The following NCOA1 variants were observed in gnomAD, a reference collection of about 807,000 sequenced individuals.
NCOA1 encodes the protein nuclear receptor coactivator 1.
Under a neutral mutation model 150.9 loss-of-function variants are expected in NCOA1, and 35 were observed. The observed-to-expected ratio is 0.23, with a 90% CI of 0.18 to 0.31. The LOEUF (loss-of-function observed/expected upper bound fraction) is 0.31. Ranked by LOEUF, NCOA1 falls within the 10% of genes least tolerant of loss-of-function variation. NCOA1 has a pLI of 1.00. For missense variants in NCOA1, 1,491 were observed against 1,749.3 expected (o/e 0.85, Z 2.63); for synonymous variants, 590 against 630.0 (o/e 0.94, Z 0.95).
In NCOA1 at chr2:24,765,092, G is replaced by A. The variant is rs192277377; in HGVS notation, c.4155+2316G>A. ...TTCAGGAAGTTGAGACAGGAGAATC[G>A]CTTGAACCCAGGAGGTGGAGGTTGC... On this transcript the variant is annotated intron_variant, in intron 22 of 22. Transcript: ENST00000348332. Among the ~76,000 whole-genome samples, 134 of 151,246 alleles carry A rather than the reference G, an allele frequency of 8.9e-4. 1 individual carries two copies. Among genetic ancestry groups the A allele is most frequent in the African/African-American group, 2.1e-3 (86 of 41,118 alleles).
chr2:24,737,043 C>T lies in NCOA1; in HGVS notation c.3202-2389C>T, dbSNP rs1404274487. On this transcript the variant is annotated intron_variant, in intron 17 of 22. Coordinates refer to ENST00000348332, the MANE Select transcript of NCOA1 (RefSeq NM_003743.5). Reference sequence around the variant, plus strand: ...TTGCCCTCTTCCGCTGGCCACAAGCCCCACATTTCCTTTTCTTCTACAACA... The same window carrying T: ...TTGCCCTCTTCCGCTGGCCACAAGCTCCACATTTCCTTTTCTTCTACAACA... Among the ~76,000 whole-genome samples the T allele has an allele frequency of 2.6e-5, 4 of 152,212 alleles. 1 individual carries two copies. The highest frequency in any genetic ancestry group is 3.9e-4 in the East Asian group (2 of 5,180).
rs1558758490 is a variant in NCOA1 at position 24,516,955 on chromosome 2, A to ATATATAC, written c.-396+25353_-396+25354insTATATAC. Among the ~76,000 whole-genome samples the ATATATAC allele has an allele frequency of 7.1e-5, 5 of 70,078 alleles. No homozygotes were observed. In the Admixed American group the frequency reaches 9.8e-4, roughly 14 times the overall value. The allele number at this position is 70,078 out of a possible 152,430, so 46.0% of individuals were successfully genotyped here. ...GTGTATATATATACGTATATATACAAGTATATATACGTATATATACACATA... is the reference window on the plus strand; with the variant it reads ...GTGTATATATATACGTATATATACAATATATACGTATATATACGTATATATACACATA... On this transcript the variant is annotated intron_variant, in intron 1 of 22. Coordinates refer to ENST00000348332, the MANE Select transcript of NCOA1 (RefSeq NM_003743.5).
chr2:24,534,724 A>C (rs919844071), intron 1 of NCOA1, among the ~76,000 whole-genome samples: 4 of 152,264 alleles, frequency 2.6e-5, no homozygotes, highest in Middle Eastern at 3.4e-3. Flanking sequence ...GTCATTCAGG[A>C]GCAGTTTTTT....
At chr2:24,637,076 TC>T (rs1467765875) in intron 3 of NCOA1, among the ~76,000 whole-genome samples, 1 of 151,630 alleles carries the variant, frequency 6.6e-6, no homozygotes, top group Non-Finnish European at 1.5e-5. Flanking sequence ...TTTTTTAAAA[TC>T]TTTTTTTTAT....
Position 24,674,351 on chromosome 2 carries a change from G to A in NCOA1, c.354+888G>A, listed in dbSNP as rs374417230. Reference sequence around the variant, plus strand: ...CTCCTGAGTAGCTGGGACTACAGGCGCCTGCTACCACGCCTGGCTAATTTT... The same window carrying A: ...CTCCTGAGTAGCTGGGACTACAGGCACCTGCTACCACGCCTGGCTAATTTT... On this transcript the variant is annotated intron_variant, in intron 7 of 22. Coordinates refer to ENST00000348332, the MANE Select transcript of NCOA1 (RefSeq NM_003743.5). Among the ~76,000 whole-genome samples, 284 of 151,922 alleles carry A rather than the reference G, an allele frequency of 1.9e-3. 1 individual carries two copies. The highest frequency in any genetic ancestry group is 1.5e-3 in the Non-Finnish European group (105 of 67,914).
chr2:24,770,628 G>A lies in NCOA1; in HGVS notation c.*2237G>A, dbSNP rs1305311417. ...TTCATTTACAGGGAAGAAATGAAAT[G>A]TACATCTGCAGAAATTGCCAAAGCC... On this transcript the variant is annotated 3_prime_UTR_variant, in exon 23 of 23. Coordinates refer to ENST00000348332, the MANE Select transcript of NCOA1 (RefSeq NM_003743.5). 4.9e-6 allele frequency: 1 copy of A among 203,378 alleles called. No homozygotes were observed. The highest frequency in any genetic ancestry group is 1.0e-5 in the Non-Finnish European group (1 of 99,048). 12.6% of individuals were successfully genotyped at this position (203,378 alleles called of 1,614,324 possible). A position where few individuals can be genotyped will look rare whatever the true frequency, so the allele number is the denominator to read the frequency against.
intron 1 of NCOA1, among the ~76,000 whole-genome samples, chr2:24,544,669 G>A (rs886339506): frequency 2.6e-5 from 4 of 152,190 alleles, no homozygotes; most frequent in South Asian, 4.1e-4. Context: ...AGCTCAGGAA[G>A]TTGAGGCCAC....
intron 3 of NCOA1, among the ~76,000 whole-genome samples, chr2:24,610,134 T>TC: frequency 7.1e-6 from 1 of 140,954 alleles, no homozygotes; most frequent in East Asian, 2.0e-4. Flanking sequence ...CTTTTTTTTT[T>TC]TTTTTTTTTT....
At chr2:24,598,213 C>T (rs56317452) in intron 3 of NCOA1, among the ~76,000 whole-genome samples, 1 of 151,930 alleles carries the variant, frequency 6.6e-6, no homozygotes, top group African/African-American at 2.4e-5. Flanking sequence ...GGGTACAATG[C>T]CTTAGTTAAA....
chr2:24,569,302 A>C (rs908685106), intron 2 of NCOA1, among the ~76,000 whole-genome samples: 1 of 152,156 alleles, frequency 6.6e-6, no homozygotes, highest in Admixed American at 6.5e-5. Context: ...TTTGTTAATT[A>C]GTTTTTTAGT....
Position 24,645,802 on chromosome 2 carries a change from TTA to T in NCOA1, c.-18+1682_-18+1683del, listed in dbSNP as rs970973633. ...CTTGGGATGCTCAACCTGTATTAAT[TTA>T]TGTTTTCTGTTGTTTCCAATCAGGA... On this transcript the variant is annotated intron_variant, in intron 4 of 22. Coordinates refer to ENST00000348332, the MANE Select transcript of NCOA1 (RefSeq NM_003743.5). Among the ~76,000 whole-genome samples the T allele has an allele frequency of 6.2e-4, 94 of 152,244 alleles. 2 individuals carry two copies. The highest frequency in any genetic ancestry group is 1.7e-3 in the African/African-American group (71 of 41,560).
At chr2:24,599,643 T>C (rs1339257544) in intron 3 of NCOA1, among the ~76,000 whole-genome samples, 1 of 152,098 alleles carries the variant, frequency 6.6e-6, no homozygotes, top group Non-Finnish European at 1.5e-5. Context: ...ATATACTACA[T>C]GTTTTTTTCC....
At chr2:24,562,814 A>G (rs886971946) in intron 1 of NCOA1, among the ~76,000 whole-genome samples, 1 of 152,210 alleles carries the variant, frequency 6.6e-6, no homozygotes, top group African/African-American at 2.4e-5. Context: ...TGGAGATAAC[A>G]AGCGACTAGA....
chr2:24,756,519 T>C (rs1231141188), intron 20 of NCOA1, among the ~76,000 whole-genome samples: 1 of 152,192 alleles, frequency 6.6e-6, no homozygotes, highest in African/African-American at 2.4e-5. Flanking sequence ...TACTGGAAAC[T>C]GTAAATGTCA....
chr2:24,765,225 C>T (rs1003205654), intron 22 of NCOA1, among the ~76,000 whole-genome samples: 11 of 151,580 alleles, frequency 7.3e-5, no homozygotes, highest in African/African-American at 9.7e-5. Context: ...ACTGGGGAGC[C>T]GGGTGCGGTG....
At chr2:24,668,922 TA>T (rs1671560713) in intron 6 of NCOA1, among the ~76,000 whole-genome samples, 1 of 151,878 alleles carries the variant, frequency 6.6e-6, no homozygotes, top group African/African-American at 2.4e-5. Context: ...ACACTAAATA[TA>T]AAAAAAGAAA....
chr2:24,665,961 G>A, intron 6 of NCOA1, 46 bp downstream of exon 6: 1 of 1,191,142 alleles, frequency 8.4e-7, no homozygotes, highest in East Asian at 2.9e-5. Context: ...TTGTTATTAA[G>A]ACATTTATAA....
chr2:24,516,986 A>ATATATACGTGTATATATACG (rs771456765), intron 1 of NCOA1, among the ~76,000 whole-genome samples: 975 of 59,048 alleles, frequency 0.017, 90 homozygotes, highest in Non-Finnish European at 0.028. Context: ...ACATATACGT[A>ATATATACGTGTATATATACG]TATATATACA....
chr2:24,566,930 G>T (rs984516601), intron 2 of NCOA1, among the ~76,000 whole-genome samples: 1 of 152,236 alleles, frequency 6.6e-6, no homozygotes, highest in South Asian at 2.1e-4. Context: ...CCCTAAGAGT[G>T]CAGAGAAGTC....
Sources: gnomAD v4.1 joint callset for allele counts (sites outside exome capture counted in the v4.1 genomes callset) on GRCh38, gnomAD v4.1.1 for gene constraint, MANE v1.5 for transcripts, NCBI Gene and HGNC (gene_info 2026-07-23, HGNC 2026-07-21) for gene names.